MTFR1: variants seen among roughly 807,000 people sequenced by gnomAD.
The protein encoded by MTFR1 is mitochondrial fission regulator 1.
MTFR1 carries 28 observed loss-of-function variants against 38.8 expected under a neutral mutation model. The observed-to-expected ratio is 0.72, with a 90% CI of 0.53 to 0.99. The LOEUF is 0.99. MTFR1 is among the 50% of genes least tolerant of loss of function. The pLI is 0.00. For synonymous variants in MTFR1, 145 were observed against 137.0 expected (o/e 1.06, Z -0.41); for missense variants, 358 against 395.5 (o/e 0.91, Z 0.81).
At position 65,762,286 on chromosome 8, in the gene MTFR1, G is replaced by T. The variant is rs542878287; in HGVS notation, c.*49-8661G>T. 8.9e-4 allele frequency among the ~76,000 whole-genome samples: 135 copies of T among 152,092 alleles called. 1 individual carries two copies. Among genetic ancestry groups the T allele is most frequent in the African/African-American group, 3.0e-3 (126 of 41,462 alleles). ...ATCTAAAAGCCTATTGTTAACATCG[G>T]GTAATTACACTTACCCTACATCTAC... is the stretch of plus-strand genomic sequence containing the variant. On this transcript the variant is annotated intron_variant, in intron 3 of 3. Transcript: ENST00000521247.
chr8:65,727,026 A>G, intron 3 of MTFR1: 9 of 1,003,774 alleles, frequency 9.0e-6, no homozygotes, highest in African/African-American at 1.6e-5. Context: ...ACATATCATT[A>G]CTAACAATAC....
chr8:65,644,344 G>T (rs1272455615), upstream of MTFR1, among the ~76,000 whole-genome samples: 1 of 152,158 alleles, frequency 6.6e-6, no homozygotes, highest in Non-Finnish European at 1.5e-5. Context: ...GTGGACACAG[G>T]TCCCTACAGC....
intron 3 of MTFR1, among the ~76,000 whole-genome samples, chr8:65,691,946 A>G (rs1805294307): frequency 6.6e-6 from 1 of 152,262 alleles, no homozygotes; most frequent in Non-Finnish European, 1.5e-5. Context: ...TAAACTTTCA[A>G]CAATGTTAGT....
intron 2 of MTFR1, among the ~76,000 whole-genome samples, chr8:65,675,677 A>G (rs919655588): frequency 6.6e-6 from 1 of 152,220 alleles, no homozygotes; most frequent in Non-Finnish European, 1.5e-5. Context: ...AGCAGATAAT[A>G]TCTCCATTTT....
intron 7 of MTFR1, 155 bp downstream of exon 7, chr8:65,708,166 G>C: frequency 2.7e-6 from 4 of 1,458,398 alleles, no homozygotes; most frequent in Non-Finnish European, 3.8e-6. Flanking sequence ...ATCACGGCTG[G>C]TTGGGAAAAG....
At chr8:65,688,362 T>C (rs1805161241) in intron 3 of MTFR1, among the ~76,000 whole-genome samples, 1 of 150,678 alleles carries the variant, frequency 6.6e-6, no homozygotes, top group Non-Finnish European at 1.5e-5. Context: ...ATCACACCAC[T>C]GCACTCCAGC....
At chr8:65,720,277 T>C (rs1317265551) in intron 3 of MTFR1, 1 of 153,204 alleles carries the variant, frequency 6.5e-6, no homozygotes. Flanking sequence ...CTCTAGAAAA[T>C]AGCTATCAAT....
Position 65,709,410 on chromosome 8 carries a change from A to G in MTFR1, c.*366A>G, listed in dbSNP as rs1235551285. 5.9e-6 allele frequency: 1 copy of G among 168,616 alleles called. No homozygotes were observed. Among genetic ancestry groups the G allele is most frequent in the East Asian group, 1.6e-4 (1 of 6,300 alleles). 10.4% of individuals were successfully genotyped at this position (168,616 alleles called of 1,614,324 possible). ...TTATCTGTATAAGTGTTTTATATGC[A>G]TATTTTTGGACATAAACAGTTTATG... On this transcript the variant is annotated 3_prime_UTR_variant, in exon 8 of 8. Transcript: ENST00000262146.
At chr8:65,770,205 T>C (rs1340032976) in intron 3 of MTFR1, among the ~76,000 whole-genome samples, 1 of 151,738 alleles carries the variant, frequency 6.6e-6, no homozygotes, top group Non-Finnish European at 1.5e-5. Flanking sequence ...GGGTAGGTTA[T>C]AAGCACTCTA....
At chr8:65,683,290 G>A (rs1418035437) in intron 3 of MTFR1, among the ~76,000 whole-genome samples, 1 of 151,618 alleles carries the variant, frequency 6.6e-6, no homozygotes. Flanking sequence ...CACCACCACG[G>A]CCAGCTAATT....
chr8:65,663,822 CTT>C (rs1035579864), intron 1 of MTFR1, among the ~76,000 whole-genome samples: 23 of 78,572 alleles, frequency 2.9e-4, no homozygotes, highest in Admixed American at 1.4e-3. Flanking sequence ...AATTTCTTTT[CTT>C]TTTTTTTTTT....
rs531671553 is a variant in MTFR1 at position 65,746,614 on chromosome 8, T to C, written c.*49-24333T>C. 2.0e-5 allele frequency among the ~76,000 whole-genome samples: 3 copies of C among 152,254 alleles called. No individual in the cohort carries two copies. In the East Asian group the frequency reaches 5.8e-4, roughly 29 times the overall value. On this transcript the variant is annotated intron_variant, in intron 3 of 3. Transcript: ENST00000521247. The stretch of plus-strand genomic sequence containing the variant: ...CTTTTTCTAGAAAAAAACTTATATT[T>C]TATATCCAAAAGTTCACTGTTGTAT...
intron 3 of MTFR1, among the ~76,000 whole-genome samples, chr8:65,764,777 A>C (rs757580139): frequency 2.0e-5 from 3 of 152,248 alleles, no homozygotes; most frequent in Non-Finnish European, 4.4e-5. Flanking sequence ...CTTATCAGAA[A>C]AACAGGAAAC....
chr8:65,660,682 C>G (rs1585748249), intron 1 of MTFR1, among the ~76,000 whole-genome samples: 1 of 152,264 alleles, frequency 6.6e-6, no homozygotes, highest in Middle Eastern at 3.4e-3. Context: ...CATAATAAAT[C>G]TGTTTCTATG....
Position 65,709,277 on chromosome 8 carries a change from G to T in MTFR1, c.*233G>T. 1 of 465,444 alleles carries T rather than the reference G, an allele frequency of 2.1e-6. No individual in the cohort carries two copies. The highest frequency in any genetic ancestry group is 3.9e-6 in the Non-Finnish European group (1 of 259,012). The allele number at this position is 465,444 out of a possible 1,614,324, so 28.8% of individuals were successfully genotyped here. A position where few individuals can be genotyped will look rare whatever the true frequency, so the allele number is the denominator to read the frequency against. On this transcript the variant is annotated 3_prime_UTR_variant, in exon 8 of 8. Transcript: ENST00000262146. ...GTGTGTTCTGACATGTTTCTAATAT[G>T]TGGCCAGGGCGTTCAGATTTCCAGT... is the stretch of plus-strand genomic sequence containing the variant.
chr8:65,706,418 T>A (rs1459379646), intron 5 of MTFR1, among the ~76,000 whole-genome samples: 3 of 152,174 alleles, frequency 2.0e-5, no homozygotes, highest in Non-Finnish European at 2.9e-5. Context: ...TTCATTTCCA[T>A]AACTCTTAGT....
rs1486599348 is a variant in MTFR1, at chr8:65,667,391, A to T, written c.-80-2482A>T. ...TCAAAGGATTAAAAAATAATACTTAATTTAAACTTTGGTGAATTCAGCAAA... is the reference window on the plus strand; with the variant it reads ...TCAAAGGATTAAAAAATAATACTTATTTTAAACTTTGGTGAATTCAGCAAA... On this transcript the variant is annotated intron_variant, in intron 1 of 7. Coordinates refer to ENST00000262146, the MANE Select transcript of MTFR1 (RefSeq NM_014637.4). Among the ~76,000 whole-genome samples, 5 of 151,728 alleles carry T rather than the reference A, an allele frequency of 3.3e-5. No homozygotes were observed. In the East Asian group the frequency reaches 9.7e-4, roughly 29 times the overall value.
At chr8:65,732,305 A>G (rs1438815736) in intron 3 of MTFR1, among the ~76,000 whole-genome samples, 1 of 151,730 alleles carries the variant, frequency 6.6e-6, no homozygotes, top group Admixed American at 6.6e-5. Context: ...AGCCACTAAC[A>G]TATTATTTTG....
chr8:65,774,763 T>C (rs764923468), downstream of MTFR1, among the ~76,000 whole-genome samples: 4 of 152,000 alleles, frequency 2.6e-5, no homozygotes, highest in Non-Finnish European at 4.4e-5. Context: ...TAAATAACAT[T>C]TTTATTAAAA....
Sources: gnomAD v4.1 joint callset for allele counts (sites outside exome capture counted in the v4.1 genomes callset) on GRCh38, gnomAD v4.1.1 for gene constraint, MANE v1.5 for transcripts, NCBI Gene and HGNC (gene_info 2026-07-23, HGNC 2026-07-21) for gene names.